KLHL13: variants seen among roughly 807,000 people sequenced by gnomAD.
KLHL13 encodes kelch like family member 13.
A neutral mutation model predicts 37.1 loss-of-function variants in KLHL13; 10 were observed. That is an observed-to-expected ratio of 0.27 (90% CI 0.17 to 0.46). KLHL13 has a LOEUF of 0.46. Among genes scored for constraint, KLHL13 ranks in the 20% least tolerant of loss-of-function variants. The pLI is 1.00. For missense variants in KLHL13, 360 were observed against 509.3 expected, an observed-to-expected ratio of 0.71 and a Z score of 2.82; for synonymous variants, 163 against 181.2, an observed-to-expected ratio of 0.90 and a Z score of 0.81.
intron 1 of KLHL13, among the ~76,000 whole-genome samples, chrX:117,966,695 C>A (rs1343168175): frequency 7.2e-5 from 8 of 111,172 alleles, no homozygotes; most frequent in Non-Finnish European, 1.5e-4. Flanking sequence ...CAGCATGGTA[C>A]TGGTACCAAA....
At chrX:118,037,660 G>A (rs931418280) in intron 1 of KLHL13, among the ~76,000 whole-genome samples, 2 of 110,846 alleles carry the variant, frequency 1.8e-5, no homozygotes, top group African/African-American at 6.6e-5. Flanking sequence ...CGAGTTAGTG[G>A]GTGCAGTGCA....
At chrX:118,079,425 T>C (rs1239507579) in intron 1 of KLHL13, among the ~76,000 whole-genome samples, 1 of 111,237 alleles carries the variant, frequency 9.0e-6, no homozygotes, top group Non-Finnish European at 1.9e-5. Flanking sequence ...CTAGAACTGA[T>C]AAACCATTTT....
chrX:118,060,012 C>G (rs1015636185), intron 1 of KLHL13, among the ~76,000 whole-genome samples: 13 of 111,795 alleles, frequency 1.2e-4, no homozygotes, highest in African/African-American at 3.9e-4. Flanking sequence ...TACAAAGAAT[C>G]AGGCACTGTG....
intron 1 of KLHL13, among the ~76,000 whole-genome samples, chrX:118,017,957 G>A (rs186392850): frequency 6.2e-4 from 69 of 111,120 alleles, no homozygotes; most frequent in East Asian, 1.4e-3. Context: ...AGAAAATACC[G>A]CCACAACAAC....
chrX:118,075,018 C>T (rs1474953144), intron 1 of KLHL13, among the ~76,000 whole-genome samples: 3 of 111,949 alleles, frequency 2.7e-5, no homozygotes, highest in African/African-American at 6.5e-5. Flanking sequence ...CTCAGTATCT[C>T]AGATCATTGC....
chrX:118,071,375 A>G (rs1328017618), intron 1 of KLHL13, among the ~76,000 whole-genome samples: 1 of 111,273 alleles, frequency 9.0e-6, no homozygotes, highest in African/African-American at 3.3e-5. Flanking sequence ...TCCCACCAAC[A>G]GTGTAAAAGT....
intron 1 of KLHL13, among the ~76,000 whole-genome samples, chrX:118,030,196 T>C (rs773362173): frequency 5.4e-5 from 6 of 111,383 alleles, no homozygotes; most frequent in Non-Finnish European, 1.1e-4. Context: ...TGTACAATCA[T>C]TTTTCTGCTT....
intron 1 of KLHL13, among the ~76,000 whole-genome samples, chrX:118,094,433 C>T (rs1487900033): frequency 3.6e-5 from 4 of 111,228 alleles, no homozygotes; most frequent in East Asian, 5.7e-4. Flanking sequence ...CTGAAAGTGA[C>T]AGGGAGAATG....
intron 1 of KLHL13, among the ~76,000 whole-genome samples, chrX:118,064,649 T>C (rs1231477370): frequency 3.6e-5 from 4 of 111,892 alleles, no homozygotes; most frequent in Non-Finnish European, 7.5e-5. Flanking sequence ...AGCTTCTGTA[T>C]AGTCCTACTT....
intron 1 of KLHL13, among the ~76,000 whole-genome samples, chrX:117,968,697 G>A (rs1465780481): frequency 1.8e-5 from 2 of 111,726 alleles, no homozygotes; most frequent in Non-Finnish European, 3.8e-5. Context: ...AGAAAAGAAA[G>A]ATTTCTCTAA....
At chrX:118,042,422 T>C (rs1245599738) in intron 1 of KLHL13, among the ~76,000 whole-genome samples, 1 of 111,870 alleles carries the variant, frequency 8.9e-6, no homozygotes, top group African/African-American at 3.2e-5. Flanking sequence ...CCTCAGCATA[T>C]GGATCACTTT....
chrX:117,913,686 T>C lies in KLHL13; in HGVS notation c.571-3590A>G, dbSNP rs751622209. Among the ~76,000 whole-genome samples, 5 of 110,048 alleles carry C rather than the reference T, an allele frequency of 4.5e-5. No homozygotes were observed. The East Asian group carries it at 1.4e-3, about 32-fold the overall frequency. ...TGGTGAAACCCATCTCTACTAAAAA[T>C]ACAAAAATTAGCCGGACGTGGTGGC... On this transcript the variant is annotated intron_variant, in intron 4 of 6. Coordinates refer to ENST00000262820, the Ensembl canonical transcript of KLHL13.
chrX:118,030,986 C>G (rs999893124), intron 1 of KLHL13, among the ~76,000 whole-genome samples: 1 of 111,754 alleles, frequency 8.9e-6, no homozygotes, highest in Non-Finnish European at 1.9e-5. Context: ...CTGGGATATT[C>G]TTATTCAGAT....
At chrX:118,067,491 CT>C (rs1176747725) in intron 1 of KLHL13, among the ~76,000 whole-genome samples, 135 of 111,420 alleles carry the variant, frequency 1.2e-3, no homozygotes, top group African/African-American at 3.8e-3. Flanking sequence ...CTTACTGTAA[CT>C]TTTTTTATAT....
chrX:117,975,611 G>A (rs1292062192), upstream of KLHL13, among the ~76,000 whole-genome samples: 5 of 111,859 alleles, frequency 4.5e-5, no homozygotes, highest in East Asian at 2.8e-4. Context: ...GGCTGGTCTC[G>A]AACTCTTGAC....
At chrX:117,970,200 C>T (rs1030229927) in intron 1 of KLHL13, among the ~76,000 whole-genome samples, 1 of 111,573 alleles carries the variant, frequency 9.0e-6, no homozygotes, top group Non-Finnish European at 1.9e-5. Flanking sequence ...TGACAAAGTA[C>T]TCAAGTCTTC....
chrX:117,979,033 C>A (rs1275332635), intron 1 of KLHL13, among the ~76,000 whole-genome samples: 1 of 111,062 alleles, frequency 9.0e-6, no homozygotes, highest in African/African-American at 3.3e-5. Flanking sequence ...CAGGTTCAAG[C>A]AATTCTCCTG....
At chrX:118,019,359 T>A (rs1212160054) in intron 1 of KLHL13, among the ~76,000 whole-genome samples, 2 of 111,034 alleles carry the variant, frequency 1.8e-5, no homozygotes, top group African/African-American at 6.6e-5. Context: ...TTCTTGTAAA[T>A]TTGTTTGAGC....
chrX:118,102,341 G>A (rs2055299369), intron 1 of KLHL13, among the ~76,000 whole-genome samples: 1 of 111,859 alleles, frequency 8.9e-6, no homozygotes, highest in South Asian at 3.7e-4. Context: ...TCCATGCAGT[G>A]AAGGGCCACA....
Sources: allele counts gnomAD v4.1 joint callset (sites outside exome capture counted in the v4.1 genomes callset), GRCh38; gene constraint gnomAD v4.1.1; transcripts MANE v1.5; gene names NCBI Gene and HGNC (gene_info 2026-07-23, HGNC 2026-07-21).